Variants in CHST9 observed in about 807,000 individuals in gnomAD.
The protein encoded by CHST9 is GalNAc-4-sulfotransferase 2.
A neutral mutation model predicts 44.4 loss-of-function variants in CHST9; 41 were observed. The ratio of observed to expected loss-of-function variants is 0.92; its 90% confidence interval spans 0.72 to 1.20. The LOEUF is 1.20. Ranked by LOEUF, CHST9 falls within the 50% of genes most tolerant of loss-of-function variation. CHST9 has a pLI of 0.00. For missense variants in CHST9, 504 were observed against 516.5 expected, an observed-to-expected ratio of 0.98 and a Z score of 0.23; for synonymous variants, 171 against 178.4, an observed-to-expected ratio of 0.96 and a Z score of 0.33.
At chr18:26,993,327 T>C (rs1263653003) in intron 4 of CHST9, among the ~76,000 whole-genome samples, 1 of 152,190 alleles carries the variant, frequency 6.6e-6, no homozygotes, top group Non-Finnish European at 1.5e-5. Flanking sequence ...TTAAAGAGAA[T>C]TGAAACCTTA....
rs1299809594 is a variant in CHST9, at chr18:27,105,108, A to G, written c.121+37581T>C. On this transcript the variant is annotated intron_variant, in intron 2 of 5. Coordinates refer to ENST00000618847, the MANE Select transcript of CHST9 (RefSeq NM_031422.6). ...TTCTTTCTTTGTTAGTGACATTTGA[A>G]AAGAAGACAGCATGTGAGGCATTAG... Among the ~76,000 whole-genome samples, 5 of 152,052 alleles carry G rather than the reference A, an allele frequency of 3.3e-5. No individual in the cohort carries two copies. In the East Asian group the frequency reaches 9.6e-4, roughly 29 times the overall value.
At chr18:27,057,440 C>A (rs1413973488) in intron 2 of CHST9, among the ~76,000 whole-genome samples, 1 of 152,200 alleles carries the variant, frequency 6.6e-6, no homozygotes, top group African/African-American at 2.4e-5. Context: ...ATTCATGCTG[C>A]TGATTAAACA....
At chr18:27,098,376 T>C (rs1348955605) in intron 2 of CHST9, among the ~76,000 whole-genome samples, 2 of 152,014 alleles carry the variant, frequency 1.3e-5, no homozygotes, top group Non-Finnish European at 2.9e-5. Context: ...AATTCAATCA[T>C]AGTGGAAGAT....
chr18:27,136,674 C>G (rs950735570), intron 2 of CHST9, among the ~76,000 whole-genome samples: 1 of 152,146 alleles, frequency 6.6e-6, no homozygotes, highest in Non-Finnish European at 1.5e-5. Flanking sequence ...GCCTGGGACC[C>G]AATAACTGCT....
intron 5 of CHST9, among the ~76,000 whole-genome samples, chr18:26,943,495 A>G (rs1358351531): frequency 6.6e-6 from 1 of 151,922 alleles, no homozygotes; most frequent in Non-Finnish European, 1.5e-5. Flanking sequence ...TCTCTTTGGT[A>G]AGGGTAAGCT....
chr18:26,939,200 A>G (rs2056045342), intron 5 of CHST9, among the ~76,000 whole-genome samples: 1 of 152,222 alleles, frequency 6.6e-6, no homozygotes, highest in Admixed American at 6.5e-5. Context: ...GTCATGGAAG[A>G]GAGTGAGATT....
chr18:27,032,708 G>C (rs1361495441), intron 3 of CHST9, among the ~76,000 whole-genome samples: 1 of 152,176 alleles, frequency 6.6e-6, no homozygotes, highest in Non-Finnish European at 1.5e-5. Context: ...CATACCACCA[G>C]GTAGACATTA....
chr18:27,110,401 A>C (rs971345841), intron 2 of CHST9, among the ~76,000 whole-genome samples: 3 of 152,128 alleles, frequency 2.0e-5, no homozygotes, highest in African/African-American at 7.2e-5. Context: ...TATCTAACTC[A>C]AACTGGCTAA....
In CHST9 at chr18:27,142,707, T is replaced by C. The variant is rs1038789726; in HGVS notation, c.103A>G (p.Ile35Val). ...LLLFMYLQVW[I>V]EEQHTGRVEK... ...GTGTTACCTGTATGTTGTTCTTCAA[T>C]CCAGACTTGCAAATACATGAAGAGG... Residue 35 changes from isoleucine (I) to valine (V), a missense_variant, in exon 2 of 6, where the codon ATT (isoleucine) becomes GTT (valine). Transcript: ENST00000618847. 3 of 1,608,854 alleles carry C rather than the reference T, an allele frequency of 1.9e-6. No individual in the cohort carries two copies. The African/African-American group carries it at 4.0e-5, about 22-fold the overall frequency.
Position 27,033,586 on chromosome 18 carries a change from C to T in CHST9, c.161-9429G>A, listed in dbSNP as rs116973818. ...TCTCTTTTTCTCATTTTCAAGATTGCTTTGCTCACCAGCATGACACACATC... is the reference window on the plus strand; with the variant it reads ...TCTCTTTTTCTCATTTTCAAGATTGTTTTGCTCACCAGCATGACACACATC... On this transcript the variant is annotated intron_variant, in intron 3 of 5. Transcript: ENST00000618847. Among the ~76,000 whole-genome samples, 1,089 of 152,252 alleles carry T rather than the reference C, an allele frequency of 7.2e-3. 9 individuals carry two copies. Among genetic ancestry groups the T allele is most frequent in the Non-Finnish European group, 0.01 (689 of 68,008 alleles).
intron 1 of CHST9, among the ~76,000 whole-genome samples, chr18:27,155,236 C>G (rs2058690376): frequency 6.6e-6 from 1 of 152,050 alleles, no homozygotes; most frequent in Admixed American, 6.6e-5. Context: ...TAGAAATGAT[C>G]TACAATATTA....
In CHST9 at chr18:27,123,805, C is replaced by T. The variant is rs549717140; in HGVS notation, c.121+18884G>A. Among the ~76,000 whole-genome samples the T allele has an allele frequency of 2.0e-5, 3 of 152,288 alleles. No homozygotes were observed. In the South Asian group the frequency reaches 6.2e-4, roughly 32 times the overall value. On this transcript the variant is annotated intron_variant, in intron 2 of 5. Transcript: ENST00000618847. ...CAAGGCTACTCTTTGCAAACCACCA[C>T]CACCACAGCAAACCTGGGACCTCCA... is the stretch of plus-strand genomic sequence containing the variant.
chr18:27,176,809 C>A (rs2058872282), intron 1 of CHST9, among the ~76,000 whole-genome samples: 1 of 151,940 alleles, frequency 6.6e-6, no homozygotes, highest in African/African-American at 2.4e-5. Context: ...AGCTCTGGTA[C>A]CTGGGATTTC....
At chr18:26,987,288 C>T (rs1450055557) in intron 4 of CHST9, among the ~76,000 whole-genome samples, 1 of 152,180 alleles carries the variant, frequency 6.6e-6, no homozygotes, top group Non-Finnish European at 1.5e-5. Flanking sequence ...TCTGCTTCCT[C>T]TTTGACCTCT....
At chr18:27,027,975 CT>C (rs1370108439) in intron 3 of CHST9, among the ~76,000 whole-genome samples, 3 of 152,196 alleles carry the variant, frequency 2.0e-5, no homozygotes, top group African/African-American at 7.2e-5. Flanking sequence ...TCTCGGCTCA[CT>C]GCAACCTCCT....
chr18:27,011,433 G>A (rs187446176), intron 4 of CHST9, among the ~76,000 whole-genome samples: 23 of 152,192 alleles, frequency 1.5e-4, no homozygotes, highest in Admixed American at 1.0e-3. Context: ...GAAGAGCCAG[G>A]GCCCCATGAA....
chr18:26,968,887 A>C (rs1318566578), intron 4 of CHST9, among the ~76,000 whole-genome samples: 3 of 152,130 alleles, frequency 2.0e-5, no homozygotes, highest in Non-Finnish European at 4.4e-5. Context: ...TGATTGAAAC[A>C]TCTATCTTTC....
At chr18:26,940,911 G>A (rs2056073259) in intron 5 of CHST9, among the ~76,000 whole-genome samples, 1 of 152,178 alleles carries the variant, frequency 6.6e-6, no homozygotes, top group Non-Finnish European at 1.5e-5. Context: ...ACAAAGGGAG[G>A]GCAGCCATGT....
chr18:26,926,373 A>G (rs232329), intron 5 of CHST9, among the ~76,000 whole-genome samples: 65,137 of 151,996 alleles, frequency 0.43, 14,415 homozygotes, highest in East Asian at 0.71. Flanking sequence ...GACTGAGGAC[A>G]TAACATAATG....
Sources: gnomAD v4.1 joint callset for allele counts (sites outside exome capture counted in the v4.1 genomes callset) on GRCh38, gnomAD v4.1.1 for gene constraint, MANE v1.5 for transcripts, NCBI Gene and HGNC (gene_info 2026-07-23, HGNC 2026-07-21) for gene names.